Variants in CNTN4 observed in about 807,000 individuals in gnomAD.
CNTN4 encodes contactin-4.
In CNTN4, 77 loss-of-function variants were observed where a neutral mutation model predicts 122.5. That is an observed-to-expected ratio of 0.63 (90% confidence interval 0.52 to 0.76). The LOEUF (loss-of-function observed/expected upper bound fraction) is 0.76. Among genes scored for constraint, CNTN4 ranks in the 30% least tolerant of loss-of-function variants. The pLI, the probability that CNTN4 is intolerant of heterozygous loss-of-function variation, is 0.00. For synonymous variants in CNTN4, 512 were observed against 447.0 expected, an observed-to-expected ratio of 1.15 and a Z score of -1.83; for missense variants, 1,256 against 1,259.1, an observed-to-expected ratio of 1.00 and a Z score of 0.04.
chr3:2,869,241 C>T (rs888054444), intron 8 of CNTN4, among the ~76,000 whole-genome samples: 4 of 151,894 alleles, frequency 2.6e-5, no homozygotes, highest in Admixed American at 2.0e-4. Context: ...ATGTGGAAAA[C>T]GGACTTTCAG....
chr3:2,651,801 C>T (rs2083373806), intron 4 of CNTN4, among the ~76,000 whole-genome samples: 1 of 151,086 alleles, frequency 6.6e-6, no homozygotes, highest in Admixed American at 6.6e-5. Context: ...CTCCCTGGTT[C>T]AAGCAATTTT....
intron 3 of CNTN4, among the ~76,000 whole-genome samples, chr3:2,474,131 C>G (rs1452093440): frequency 6.6e-6 from 1 of 152,080 alleles, no homozygotes; most frequent in Non-Finnish European, 1.5e-5. Flanking sequence ...ACCTCACTAG[C>G]CTGCCTTAAC....
intron 3 of CNTN4, among the ~76,000 whole-genome samples, chr3:2,387,160 ATAATT>A (rs2046284486): frequency 6.6e-6 from 1 of 152,232 alleles, no homozygotes; most frequent in Non-Finnish European, 1.5e-5. Flanking sequence ...TAAATATACA[ATAATT>A]TAAATGAATG....
At chr3:2,673,260 T>A (rs903261105) in intron 4 of CNTN4, among the ~76,000 whole-genome samples, 1 of 152,166 alleles carries the variant, frequency 6.6e-6, no homozygotes, top group Non-Finnish European at 1.5e-5. Context: ...AAGGGAGTGC[T>A]TTTGGGTGGC....
At chr3:2,948,332 A>G (rs2094700675) in intron 13 of CNTN4, among the ~76,000 whole-genome samples, 1 of 152,190 alleles carries the variant, frequency 6.6e-6, no homozygotes, top group Non-Finnish European at 1.5e-5. Flanking sequence ...GAAGGAGGGA[A>G]CTGAAGTTTG....
At chr3:2,989,124 A>G (rs1694839997) in intron 14 of CNTN4, 1 of 152,464 alleles carries the variant, frequency 6.6e-6, no homozygotes, top group South Asian at 2.1e-4. Context: ...CATGGGCTGG[A>G]AGTGCTAAGT....
At chr3:2,832,357 G>T (rs936295689) in intron 7 of CNTN4, among the ~76,000 whole-genome samples, 3 of 152,186 alleles carry the variant, frequency 2.0e-5, no homozygotes, top group Non-Finnish European at 2.9e-5. Context: ...TAGCCTACAG[G>T]TCTGCTAGGG....
At chr3:2,561,639 T>C (rs1306014683) in intron 3 of CNTN4, among the ~76,000 whole-genome samples, 1 of 152,114 alleles carries the variant, frequency 6.6e-6, no homozygotes, top group Non-Finnish European at 1.5e-5. Context: ...ATGGATTTTC[T>C]CTCATATTCC....
intron 3 of CNTN4, among the ~76,000 whole-genome samples, chr3:2,419,093 A>T (rs2047522606): frequency 6.6e-6 from 1 of 152,188 alleles, no homozygotes; most frequent in Non-Finnish European, 1.5e-5. Context: ...CACGTTTAAA[A>T]ATAATTTCTA....
chr3:2,643,503 C>T (rs928806445), intron 4 of CNTN4, among the ~76,000 whole-genome samples: 2 of 152,120 alleles, frequency 1.3e-5, no homozygotes, highest in African/African-American at 4.8e-5. Flanking sequence ...GTTCACTAGT[C>T]TAGTGACTTG....
chr3:2,404,857 T>C (rs1006035872), intron 3 of CNTN4, among the ~76,000 whole-genome samples: 1 of 152,142 alleles, frequency 6.6e-6, no homozygotes. Flanking sequence ...TTGTTTAGAA[T>C]GTACTAGGTG....
At chr3:2,286,373 G>A (rs1185280827) in intron 2 of CNTN4, among the ~76,000 whole-genome samples, 1 of 150,404 alleles carries the variant, frequency 6.6e-6, no homozygotes, top group Non-Finnish European at 1.5e-5. Flanking sequence ...AAGTATATAG[G>A]AACTAAATCA....
At chr3:2,542,963 C>A (rs898181209) in intron 3 of CNTN4, among the ~76,000 whole-genome samples, 1 of 152,050 alleles carries the variant, frequency 6.6e-6, no homozygotes, top group Non-Finnish European at 1.5e-5. Flanking sequence ...CTATATTGAA[C>A]ATGCACTAAT....
At chr3:2,620,012 C>T (rs1449439144) in intron 4 of CNTN4, among the ~76,000 whole-genome samples, 2 of 220 alleles carry the variant, frequency 9.1e-3, no homozygotes, top group African/African-American at 0.037. Context: ...AATATGTACC[C>T]AAGTAGTAGT....
chr3:2,859,248 T>G (rs942816015), intron 7 of CNTN4, among the ~76,000 whole-genome samples: 14 of 152,248 alleles, frequency 9.2e-5, no homozygotes, highest in Non-Finnish European at 2.1e-4. Context: ...TTATTATTTT[T>G]ATGGCTAGAT....
intron 3 of CNTN4, among the ~76,000 whole-genome samples, chr3:2,527,166 T>C (rs147668974): frequency 1.4e-3 from 213 of 152,320 alleles, no homozygotes; most frequent in African/African-American, 4.7e-3. Flanking sequence ...ATCTTAGCCA[T>C]GCACTGTTGG....
At chr3:2,903,538 G>C (rs2094197576) in intron 12 of CNTN4, among the ~76,000 whole-genome samples, 2 of 152,104 alleles carry the variant, frequency 1.3e-5, no homozygotes, top group Non-Finnish European at 2.9e-5. Flanking sequence ...CCCGTCCTCT[G>C]CAGGCCACTG....
chr3:2,215,379 G>T (rs1000497795), intron 2 of CNTN4, among the ~76,000 whole-genome samples: 1 of 152,060 alleles, frequency 6.6e-6, no homozygotes, highest in African/African-American at 2.4e-5. Flanking sequence ...ACCTGTTCTT[G>T]TACTACTGGG....
intron 3 of CNTN4, among the ~76,000 whole-genome samples, chr3:2,350,891 A>G (rs931034685): frequency 1.3e-5 from 2 of 152,212 alleles, no homozygotes; most frequent in African/African-American, 4.8e-5. Context: ...TCATGTTTGA[A>G]GCCATTTGCT....
Sources: allele counts gnomAD v4.1 joint callset (sites outside exome capture counted in the v4.1 genomes callset), GRCh38; gene constraint gnomAD v4.1.1; transcripts MANE v1.5; gene names NCBI Gene and HGNC (gene_info 2026-07-23, HGNC 2026-07-21).